The following SKAP2 variants were observed in gnomAD, a reference collection of about 807,000 sequenced individuals.
SKAP2 encodes src kinase-associated phosphoprotein 2.
A neutral mutation model predicts 54.9 loss-of-function variants in SKAP2; 28 were observed. The observed-to-expected ratio is 0.51, with a 90% CI of 0.38 to 0.70. SKAP2 has a LOEUF of 0.70. Ranked by LOEUF, SKAP2 falls within the 30% of genes least tolerant of loss-of-function variation. SKAP2 has a pLI of 0.00. For synonymous variants in SKAP2, 137 were observed against 134.3 expected (o/e 1.02, Z -0.14); for missense variants, 356 against 424.1 (o/e 0.84, Z 1.41).
chr7:26,692,195 G>A (rs2237327), intron 9 of SKAP2, among the ~76,000 whole-genome samples: 1 of 89,740 alleles, frequency 1.1e-5, no homozygotes, highest in Admixed American at 1.0e-4. Context: ...GAGGAATGAG[G>A]GGGGGGAAAA....
chr7:26,835,142 G>C (rs972986374), intron 4 of SKAP2, among the ~76,000 whole-genome samples: 10 of 152,098 alleles, frequency 6.6e-5, no homozygotes, highest in Non-Finnish European at 1.3e-4. Context: ...ATAAAATTCA[G>C]CAGCCCTTCA....
At chr7:26,778,629 A>C (rs910812983) in intron 4 of SKAP2, among the ~76,000 whole-genome samples, 2 of 152,004 alleles carry the variant, frequency 1.3e-5, no homozygotes, top group African/African-American at 2.4e-5. Flanking sequence ...TTCCCAGTTC[A>C]AATTCAGCCA....
intron 4 of SKAP2, among the ~76,000 whole-genome samples, chr7:26,764,773 G>A (rs1430189429): frequency 2.6e-5 from 4 of 151,978 alleles, no homozygotes; most frequent in Non-Finnish European, 4.4e-5. Flanking sequence ...GGAGGGTCTC[G>A]ATCTCCTGAC....
downstream of SKAP2, among the ~76,000 whole-genome samples, chr7:26,666,088 C>T (rs1352921407): frequency 6.6e-6 from 1 of 152,064 alleles, no homozygotes; most frequent in Admixed American, 6.6e-5. Flanking sequence ...CTCTTCACCA[C>T]CTCTTTCTTT....
At chr7:26,706,370 T>C (rs1305999480) in intron 9 of SKAP2, among the ~76,000 whole-genome samples, 2 of 152,152 alleles carry the variant, frequency 1.3e-5, no homozygotes, top group African/African-American at 2.4e-5. Flanking sequence ...TTATATAATA[T>C]CTATGTTTTT....
At chr7:26,755,374 T>C (rs565495720) in intron 4 of SKAP2, among the ~76,000 whole-genome samples, 1 of 152,144 alleles carries the variant, frequency 6.6e-6, no homozygotes, top group South Asian at 2.1e-4. Flanking sequence ...GTACAGTCAT[T>C]AACTTGTCAA....
chr7:26,757,755 A>T (rs182934281), intron 4 of SKAP2, among the ~76,000 whole-genome samples: 31 of 152,244 alleles, frequency 2.0e-4, no homozygotes, highest in African/African-American at 5.8e-4. Flanking sequence ...ATCTATTTTT[A>T]AAAATGCCAG....
chr7:26,818,497 A>T (rs1211841458), intron 4 of SKAP2, among the ~76,000 whole-genome samples: 26 of 152,214 alleles, frequency 1.7e-4, no homozygotes, highest in Admixed American at 1.7e-3. Flanking sequence ...AAACCTAGGC[A>T]ATACCATTCA....
In SKAP2 at chr7:26,688,904, C is replaced by T. The variant is rs577087576; in HGVS notation, c.874+1381G>A. Among the ~76,000 whole-genome samples, 7 of 152,270 alleles carry T rather than the reference C, an allele frequency of 4.6e-5. No individual in the cohort carries two copies. The South Asian group carries it at 1.4e-3, about 32-fold the overall frequency. On this transcript the variant is annotated intron_variant, in intron 10 of 12. Transcript: ENST00000345317. ...TATTTTTGGCAGAAGTTTCATGATA[C>T]ATAAACCGAAAACATATATACTTAA...
At chr7:26,753,116 C>T (rs1245503538) in intron 4 of SKAP2, among the ~76,000 whole-genome samples, 1 of 152,136 alleles carries the variant, frequency 6.6e-6, no homozygotes, top group Non-Finnish European at 1.5e-5. Context: ...ATACCACATG[C>T]TTAATCCTTT....
At chr7:26,724,338 T>C (rs1787650164) in intron 9 of SKAP2, among the ~76,000 whole-genome samples, 4 of 152,140 alleles carry the variant, frequency 2.6e-5, no homozygotes, top group Admixed American at 2.6e-4. Context: ...ATAAATCACT[T>C]CACCTACCCC....
chr7:26,797,129 C>A (rs775725964), intron 4 of SKAP2, among the ~76,000 whole-genome samples: 1 of 152,220 alleles, frequency 6.6e-6, no homozygotes, highest in Non-Finnish European at 1.5e-5. Context: ...GATTAGGGGA[C>A]CTCGCTGCCT....
chr7:26,691,643 G>A (rs937691034), intron 9 of SKAP2, among the ~76,000 whole-genome samples: 5 of 152,178 alleles, frequency 3.3e-5, no homozygotes, highest in Non-Finnish European at 2.9e-5. Context: ...AGGAAAACAG[G>A]CTGAAGGGGC....
chr7:26,682,363 C>A (rs573770668), intron 11 of SKAP2, among the ~76,000 whole-genome samples: 2 of 152,140 alleles, frequency 1.3e-5, no homozygotes, highest in African/African-American at 4.8e-5. Flanking sequence ...CCTGTCTACT[C>A]GCAGCCAAGA....
At chr7:26,802,240 C>T (rs1783929096) in intron 4 of SKAP2, among the ~76,000 whole-genome samples, 2 of 146,442 alleles carry the variant, frequency 1.4e-5, no homozygotes, top group Admixed American at 1.4e-4. Flanking sequence ...GTACTAAGAA[C>T]ATAGACTGGA....
rs11313387 is a variant in SKAP2, at chr7:26,692,193, A to AG, written c.797-1832dup. ...CTTTGTGCCTGAATGTGGAGGAATG[A>AG]GGGGGGGGAAAAGAGCAACAAAGGA... is the stretch of plus-strand genomic sequence containing the variant. On this transcript the variant is annotated intron_variant, in intron 9 of 12. Transcript: ENST00000345317. Among the ~76,000 whole-genome samples, 1,310 of 151,502 alleles carry AG rather than the reference A, an allele frequency of 8.6e-3. 21 individuals carry two copies. Among genetic ancestry groups the AG allele is most frequent in the African/African-American group, 0.028 (1,165 of 41,250 alleles).
chr7:26,770,546 C>T (rs1302631249), intron 4 of SKAP2, among the ~76,000 whole-genome samples: 1 of 152,134 alleles, frequency 6.6e-6, no homozygotes, highest in Non-Finnish European at 1.5e-5. Flanking sequence ...CGCAAATGGC[C>T]ACCCAGTTTT....
intron 9 of SKAP2, among the ~76,000 whole-genome samples, chr7:26,707,788 T>A: frequency 6.6e-6 from 1 of 151,862 alleles, no homozygotes; most frequent in African/African-American, 2.4e-5. Context: ...GGGCTGGAGG[T>A]CATGGGGCTT....
intron 9 of SKAP2, among the ~76,000 whole-genome samples, chr7:26,714,219 G>A (rs1269032081): frequency 6.6e-6 from 1 of 152,152 alleles, no homozygotes. Context: ...ACCAGGATGT[G>A]AAAAGAGGCC....
Sources: gnomAD v4.1 joint callset for allele counts (sites outside exome capture counted in the v4.1 genomes callset) on GRCh38, gnomAD v4.1.1 for gene constraint, MANE v1.5 for transcripts, NCBI Gene and HGNC (gene_info 2026-07-23, HGNC 2026-07-21) for gene names.